Variants in EFNA5 observed in about 807,000 individuals in gnomAD.
The protein encoded by EFNA5 is ephrin A5, also known as ephrin-A5.
In EFNA5, 5 loss-of-function variants were observed where a neutral mutation model predicts 22.9. The observed-to-expected ratio is 0.22, with a 90% CI of 0.11 to 0.46. The LOEUF is 0.46. EFNA5 is among the 20% of genes least tolerant of loss of function. EFNA5 has a pLI of 0.99. For synonymous variants in EFNA5, 113 were observed against 112.2 expected (o/e 1.01, Z -0.04); for missense variants, 237 against 293.3 (o/e 0.81, Z 1.40).
intron 1 of EFNA5, among the ~76,000 whole-genome samples, chr5:107,442,722 G>A (rs1749287249): frequency 6.6e-6 from 1 of 151,626 alleles, no homozygotes; most frequent in South Asian, 2.1e-4. Context: ...GCGAGCTAAG[G>A]AAAGCTCTAT....
chr5:107,594,792 A>T (rs3864266), intron 1 of EFNA5, among the ~76,000 whole-genome samples: 24,237 of 152,094 alleles, frequency 0.16, 4,949 homozygotes, highest in African/African-American at 0.48. Context: ...TGCACTGACC[A>T]GCACCGGTGA....
intron 1 of EFNA5, among the ~76,000 whole-genome samples, chr5:107,658,232 G>C (rs1750870932): frequency 6.6e-6 from 1 of 152,154 alleles, no homozygotes; most frequent in Non-Finnish European, 1.5e-5. Context: ...ATTTAAGTTG[G>C]AAAGTGTTAA....
At chr5:107,487,283 G>C (rs986038763) in intron 1 of EFNA5, among the ~76,000 whole-genome samples, 1 of 152,130 alleles carries the variant, frequency 6.6e-6, no homozygotes, top group African/African-American at 2.4e-5. Context: ...CACTTCCTCT[G>C]TGAGGCCTTC....
At chr5:107,550,888 A>G (rs1748279244) in intron 1 of EFNA5, among the ~76,000 whole-genome samples, 1 of 152,214 alleles carries the variant, frequency 6.6e-6, no homozygotes, top group South Asian at 2.1e-4. Flanking sequence ...ATGAAAAACA[A>G]TCAGTTTCTA....
intron 1 of EFNA5, among the ~76,000 whole-genome samples, chr5:107,536,887 A>T (rs1478028020): frequency 6.6e-6 from 1 of 152,100 alleles, no homozygotes; most frequent in East Asian, 1.9e-4. Flanking sequence ...TGGGCAGATC[A>T]TGAGGTCAGG....
At chr5:107,473,075 G>C (rs1360761491) in intron 1 of EFNA5, among the ~76,000 whole-genome samples, 2 of 152,160 alleles carry the variant, frequency 1.3e-5, no homozygotes, top group South Asian at 4.2e-4. Flanking sequence ...AGGGACCCCA[G>C]CCACCGTTTT....
intron 1 of EFNA5, among the ~76,000 whole-genome samples, chr5:107,642,213 A>G (rs1316261488): frequency 6.6e-6 from 1 of 152,240 alleles, no homozygotes; most frequent in Admixed American, 6.5e-5. Context: ...GATTTTGGTC[A>G]AAGGACACAA....
At chr5:107,390,458 G>A (rs1747759736) in intron 2 of EFNA5, among the ~76,000 whole-genome samples, 1 of 151,972 alleles carries the variant, frequency 6.6e-6, no homozygotes, top group African/African-American at 2.4e-5. Context: ...ACATAACAGA[G>A]GAATTGAAAC....
intron 1 of EFNA5, among the ~76,000 whole-genome samples, chr5:107,625,840 T>C (rs767008987): frequency 3.3e-5 from 5 of 152,204 alleles, no homozygotes; most frequent in Non-Finnish European, 7.4e-5. Flanking sequence ...GTCTTGTTAC[T>C]ATGATTTTCA....
chr5:107,503,020 T>C (rs917865142), intron 1 of EFNA5, among the ~76,000 whole-genome samples: 1 of 152,050 alleles, frequency 6.6e-6, no homozygotes, highest in African/African-American at 2.4e-5. Context: ...GAGTCTGAAA[T>C]TGAATTGAGA....
chr5:107,579,855 A>G (rs973568612), intron 1 of EFNA5, among the ~76,000 whole-genome samples: 3 of 152,216 alleles, frequency 2.0e-5, no homozygotes, highest in Admixed American at 2.0e-4. Context: ...TAGCCAAAAG[A>G]TCTCTTTCTA....
In EFNA5 at chr5:107,479,219, T is replaced by C. The variant is rs1750388012; in HGVS notation, c.126-51710A>G. ...AAGTTGGCAATTTTCAATTCAGAAG[T>C]CAAAATACTGTCTTAGTTGCCAACA... is the stretch of plus-strand genomic sequence containing the variant. On this transcript the variant is annotated intron_variant, in intron 1 of 4. Transcript: ENST00000333274. Among the ~76,000 whole-genome samples, 3 of 152,030 alleles carry C rather than the reference T, an allele frequency of 2.0e-5. 1 individual carries two copies. Among genetic ancestry groups the C allele is most frequent in the African/African-American group, 7.2e-5 (3 of 41,398 alleles).
rs569169140 is a variant in EFNA5 at position 107,611,014 on chromosome 5, TG to T, written c.125+59474del. On this transcript the variant is annotated intron_variant, in intron 1 of 4. Coordinates refer to ENST00000333274, the MANE Select transcript of EFNA5 (RefSeq NM_001962.3). Reference sequence around the variant, plus strand: ...TGACTCAATGGAGAATCAGGCGACCTGGGCATTTAACTATGCGCCTATTCCC... The same window carrying T: ...TGACTCAATGGAGAATCAGGCGACCTGGCATTTAACTATGCGCCTATTCCC... Among the ~76,000 whole-genome samples, 40 of 152,282 alleles carry T rather than the reference TG, an allele frequency of 2.6e-4. No homozygotes were observed. In the South Asian group the frequency reaches 5.6e-3, roughly 21 times the overall value.
At chr5:107,509,314 T>C (rs1466124764) in intron 1 of EFNA5, among the ~76,000 whole-genome samples, 1 of 151,162 alleles carries the variant, frequency 6.6e-6, no homozygotes, top group East Asian at 1.9e-4. Flanking sequence ...TCTTTTTCTT[T>C]TCCTTTTTTT....
intron 1 of EFNA5, among the ~76,000 whole-genome samples, chr5:107,466,750 G>A (rs1442599203): frequency 2.0e-5 from 3 of 152,170 alleles, no homozygotes; most frequent in African/African-American, 7.2e-5. Context: ...TCTGGTAGGT[G>A]AGATGCACAA....
At chr5:107,411,939 T>C (rs894306737) in intron 2 of EFNA5, among the ~76,000 whole-genome samples, 1 of 152,234 alleles carries the variant, frequency 6.6e-6, no homozygotes, top group Admixed American at 6.5e-5. Flanking sequence ...ATGAATATAA[T>C]ACTCATCTGT....
At chr5:107,516,716 C>A (rs712557) in intron 1 of EFNA5, among the ~76,000 whole-genome samples, 1 of 152,152 alleles carries the variant, frequency 6.6e-6, no homozygotes, top group African/African-American at 2.4e-5. Context: ...TAAATCTAAA[C>A]CATGTGTGAC....
chr5:107,603,692 T>C (rs1749652923), intron 1 of EFNA5, among the ~76,000 whole-genome samples: 2 of 152,208 alleles, frequency 1.3e-5, no homozygotes, highest in African/African-American at 4.8e-5. Flanking sequence ...CAAAGAATGT[T>C]AGAAGTGGAA....
intron 1 of EFNA5, among the ~76,000 whole-genome samples, chr5:107,445,626 C>A (rs570531896): frequency 6.6e-6 from 1 of 152,098 alleles, no homozygotes; most frequent in Admixed American, 6.5e-5. Flanking sequence ...CAGGGATGTT[C>A]GACAGAGGCA....
Sources: allele counts gnomAD v4.1 joint callset (sites outside exome capture counted in the v4.1 genomes callset), GRCh38; gene constraint gnomAD v4.1.1; transcripts MANE v1.5; gene names NCBI Gene and HGNC (gene_info 2026-07-23, HGNC 2026-07-21).